KRTAP10-2: variants seen among roughly 807,000 people sequenced by gnomAD.
KRTAP10-2 encodes the protein keratin-associated protein 10-2.
For synonymous variants in KRTAP10-2, 134 were observed against 135.5 expected (o/e 0.99, Z 0.08); for missense variants, 295 against 319.5 (o/e 0.92, Z 0.58).
Position 44,550,673 on chromosome 21 carries a change from C to T in KRTAP10-2, c.*18G>A, listed in dbSNP as rs368168570. ...GGAGGTGGGGCCTGAGCCCGGCTGGCCCTGGGGGACATGGCCATCAGCAGC... is the reference window on the plus strand; with the variant it reads ...GGAGGTGGGGCCTGAGCCCGGCTGGTCCTGGGGGACATGGCCATCAGCAGC... On this transcript the variant is annotated 3_prime_UTR_variant, in exon 1 of 1. Transcript: ENST00000391621. 366 of 1,612,038 alleles carry T rather than the reference C, an allele frequency of 2.3e-4. No individual in the cohort carries two copies. The highest frequency in any genetic ancestry group is 3.1e-4 in the Non-Finnish European group (361 of 1,179,284).
rs180855850 is a variant in KRTAP10-2 at position 44,551,426 on chromosome 21, G to A, written c.33C>T (p.Ser11=). 6.1e-4 allele frequency: 981 copies of A among 1,613,040 alleles called. 5 individuals carry two copies. The African/African-American group carries it at 0.011, about 19-fold the overall frequency. The change falls in exon 1 of 1, where the codon AGC becomes AGT. Residue 11 remains serine, a synonymous_variant. Transcript: ENST00000391621. MAASTMSICS[S]ACTNSWQVDD... ...CCACCTGCCAGGAGTTGGTGCAGGCGCTGGAGCAGATGGACATGGTGGAGG... is the reference window on the plus strand; with the variant it reads ...CCACCTGCCAGGAGTTGGTGCAGGCACTGGAGCAGATGGACATGGTGGAGG...
rs1555918774 is a variant in KRTAP10-2 at position 44,551,174 on chromosome 21, G to A, written c.285C>T (p.Cys95=). ...AGACGGGCACGCAGCAGGCCTGCTGGCAGGGGGAGGAGGTGCAGCAAGCCG... is the reference window on the plus strand; with the variant it reads ...AGACGGGCACGCAGCAGGCCTGCTGACAGGGGGAGGAGGTGCAGCAAGCCG... The part of the protein sequence containing the change: ...CQPACCTSSP[C]QQACCVPVCC... The change falls in exon 1 of 1, where the codon TGC becomes TGT. Residue 95 remains cysteine, a synonymous_variant. Transcript: ENST00000391621. 1 of 1,568,580 alleles carries A rather than the reference G, an allele frequency of 6.4e-7. No individual in the cohort carries two copies. Among genetic ancestry groups the A allele is most frequent in the South Asian group, 1.1e-5 (1 of 88,290 alleles).
rs587678058 is a variant in KRTAP10-2, at chr21:44,551,122, C to T, written c.337G>A (p.Val113Ile). The T allele has an allele frequency of 1.4e-5, 22 of 1,559,240 alleles. No individual in the cohort carries two copies. The highest frequency in any genetic ancestry group is 1.7e-4 in the Middle Eastern group (1 of 5,868). ...VCCKPVCCVP[V>I]CCGASSCCQQ... Reference sequence around the variant, plus strand: ...CAGCATGAAGAAGCCCCACAGCAGACGGGCACACAGCACACAGGCTTGCAG... The same window carrying T: ...CAGCATGAAGAAGCCCCACAGCAGATGGGCACACAGCACACAGGCTTGCAG... The change falls in exon 1 of 1, where the codon GTC (valine) becomes ATC (isoleucine). Residue 113 changes from valine (V) to isoleucine (I), a missense_variant. Coordinates refer to ENST00000391621, the MANE Select transcript of KRTAP10-2 (RefSeq NM_198693.4).
chr21:44,551,030 A>T lies in KRTAP10-2; in HGVS notation c.429T>A (p.Pro143=), dbSNP rs782690145. 1 of 1,609,040 alleles carries T rather than the reference A, an allele frequency of 6.2e-7. No individual in the cohort carries two copies. The highest frequency in any genetic ancestry group is 8.5e-7 in the Non-Finnish European group (1 of 1,177,926). ...CGCAGCACACAGCTTTGCAGCAGAC[A>T]GGCACACGGCAGGACTGCTGGCAGG... is the stretch of plus-strand genomic sequence containing the variant. The part of the protein sequence containing the change: ...SSSCQQSCRV[P]VCCKAVCCVP... The change falls in exon 1 of 1, where the codon CCT becomes CCA. Residue 143 remains proline, a synonymous_variant. Transcript: ENST00000391621.
At position 44,551,442 on chromosome 21, in the gene KRTAP10-2, A is replaced by G; in HGVS notation, c.17T>C (p.Met6Thr). Residue 6 changes from methionine to threonine, a missense_variant, in exon 1 of 1, where the codon ATG becomes ACG. Transcript: ENST00000391621. ...GGTGCAGGCGCTGGAGCAGATGGAC[A>G]TGGTGGAGGCGGCCATGCTGGAGTG... MAAST[M>T]SICSSACTNS... 4 of 1,611,676 alleles carry G rather than the reference A, an allele frequency of 2.5e-6. No homozygotes were observed. Among genetic ancestry groups the G allele is most frequent in the Non-Finnish European group, 3.4e-6 (4 of 1,179,186 alleles).
Position 44,551,341 on chromosome 21 carries a change from C to A in KRTAP10-2, c.118G>T (p.Ala40Ser). 1.9e-6 allele frequency: 3 copies of A among 1,613,118 alleles called. No homozygotes were observed. The highest frequency in any genetic ancestry group is 2.5e-6 in the Non-Finnish European group (3 of 1,179,936). Residue 40 changes from alanine (A) to serine (S), a missense_variant, in exon 1 of 1, where the codon GCC (alanine) becomes TCC (serine). By Grantham distance (99) the Ala-to-Ser change is moderately conservative (BLOSUM62 1). Coordinates refer to ENST00000391621, the MANE Select transcript of KRTAP10-2 (RefSeq NM_198693.4). ...GTGCAGACCAGGGTCAGGCAGGGGG[C>A]TGGGGCACAGCAGCTGGGGGTGCCG... ...PCGTPSCCAPAPCLTLVCTPV... is the reference protein window; with the variant it reads ...PCGTPSCCAPSPCLTLVCTPV...
rs1445609844 is a variant in KRTAP10-2, at chr21:44,550,409, G to A, written c.*282C>T. The A allele has an allele frequency of 1.2e-5, 7 of 601,726 alleles. No individual in the cohort carries two copies. The highest frequency in any genetic ancestry group is 1.8e-5 in the Non-Finnish European group (6 of 332,192). 37.3% of individuals were successfully genotyped at this position (601,726 alleles called of 1,614,324 possible). A position where few individuals can be genotyped will look rare whatever the true frequency, so the allele number is the denominator to read the frequency against. ...CAGAGGCAGAGGGTGACGCTCCTGG[G>A]GGTGAGACCCAGGTCAGGAGGGCCC... On this transcript the variant is annotated 3_prime_UTR_variant, in exon 1 of 1. Transcript: ENST00000391621.
In KRTAP10-2 at chr21:44,550,863, A is replaced by C; in HGVS notation, c.596T>G (p.Val199Gly). ...AGAGGAAGCCCCAGAGCAAACAGGT[A>C]CACAGCAGATGGACTTGCAGCAGAC... ...KPVCCKSICC[V>G]PVCSGASSPC... The change falls in exon 1 of 1, where the codon GTA (valine) becomes GGA (glycine). Residue 199 changes from valine to glycine, a missense_variant. Coordinates refer to ENST00000391621, the MANE Select transcript of KRTAP10-2 (RefSeq NM_198693.4). The C allele has an allele frequency of 6.5e-7, 1 of 1,534,408 alleles. No homozygotes were observed. The highest frequency in any genetic ancestry group is 8.9e-7 in the Non-Finnish European group (1 of 1,129,802).
rs782129000 is a variant in KRTAP10-2 at position 44,550,876 on chromosome 21, A to G, written c.583T>C (p.Ser195Pro). The change falls in exon 1 of 1, where the codon TCC (serine) becomes CCC (proline). Residue 195 changes from serine (S) to proline (P), a missense_variant. Coordinates refer to ENST00000391621, the MANE Select transcript of KRTAP10-2 (RefSeq NM_198693.4). ...SVCCKPVCCK[S>P]ICCVPVCSGA... ...GAGCAAACAGGTACACAGCAGATGG[A>G]CTTGCAGCAGACAGGCTTGCAGCAG... The G allele has an allele frequency of 6.2e-7, 1 of 1,611,540 alleles. No individual in the cohort carries two copies.
rs781942959 is a variant in KRTAP10-2 at position 44,550,798 on chromosome 21, T to C, written c.661A>G (p.Thr221Ala). 10 of 1,596,268 alleles carry C rather than the reference T, an allele frequency of 6.3e-6. No homozygotes were observed. The African/African-American group carries it at 6.7e-5, about 11-fold the overall frequency. Reference sequence around the variant, plus strand: ...GAGGAGGGTCTGCAGCAGGAGGAGGTGCAGCAAGCTGGCTGGCAGCTAGAC... The same window carrying C: ...GAGGAGGGTCTGCAGCAGGAGGAGGCGCAGCAAGCTGGCTGGCAGCTAGAC... Reference protein sequence around the residue: ...QQSSCQPACCTSSCCRPSSSV... With the variant: ...QQSSCQPACCASSCCRPSSSV... Residue 221 changes from threonine (T) to alanine (A), a missense_variant, in exon 1 of 1, where the codon ACC becomes GCC. Physicochemically the swap from Thr to Ala is moderately conservative, Grantham distance 58. Coordinates refer to ENST00000391621, the MANE Select transcript of KRTAP10-2 (RefSeq NM_198693.4).
chr21:44,550,800 C>T lies in KRTAP10-2; in HGVS notation c.659G>A (p.Cys220Tyr), dbSNP rs782363574. The T allele has an allele frequency of 2.1e-5, 34 of 1,597,056 alleles. No individual in the cohort carries two copies. Among genetic ancestry groups the T allele is most frequent in the Non-Finnish European group, 2.7e-5 (32 of 1,169,280 alleles). ...CQQSSCQPAC[C>Y]TSSCCRPSSS... ...GGAGGGTCTGCAGCAGGAGGAGGTG[C>T]AGCAAGCTGGCTGGCAGCTAGACTG... Residue 220 changes from cysteine to tyrosine, a missense_variant, in exon 1 of 1, where the codon TGC (cysteine) becomes TAC (tyrosine). Transcript: ENST00000391621.
Position 44,551,505 on chromosome 21 carries a change from A to T in KRTAP10-2, c.-47T>A, listed in dbSNP as rs2053438434. On this transcript the variant is annotated 5_prime_UTR_variant, in exon 1 of 1. Transcript: ENST00000391621. ...GCTGGGGGAGGTGTGTGAGTGAGTG[A>T]GTGTGTGTGTGAGTGTGTGAGTGAG... is the stretch of plus-strand genomic sequence containing the variant. 2.6e-6 allele frequency: 4 copies of T among 1,549,282 alleles called. No individual in the cohort carries two copies. The highest frequency in any genetic ancestry group is 3.5e-6 in the Non-Finnish European group (4 of 1,148,078).
chr21:44,550,396 G>GTGAC lies in KRTAP10-2; in HGVS notation c.*291_*294dup, dbSNP rs1555918363. 6 of 586,170 alleles carry GTGAC rather than the reference G, an allele frequency of 1.0e-5. No homozygotes were observed. In the Admixed American group the frequency reaches 1.2e-4, roughly 12 times the overall value. 36.3% of individuals were successfully genotyped at this position (586,170 alleles called of 1,614,324 possible). A position where few individuals can be genotyped will look rare whatever the true frequency, so the allele number is the denominator to read the frequency against. ...CTTTATTGGTGCTCAGAGGCAGAGG[G>GTGAC]TGACGCTCCTGGGGGTGAGACCCAG... On this transcript the variant is annotated 3_prime_UTR_variant, in exon 1 of 1. Transcript: ENST00000391621.
chr21:44,550,595 C>A lies in KRTAP10-2; in HGVS notation c.*96G>T, dbSNP rs587754696. The A allele has an allele frequency of 7.9e-6, 12 of 1,527,862 alleles. No homozygotes were observed. In the African/African-American group the frequency reaches 1.5e-4, roughly 19 times the overall value. 94.6% of individuals were successfully genotyped at this position (1,527,862 alleles called of 1,614,324 possible). A position where few individuals can be genotyped will look rare whatever the true frequency, so the allele number is the denominator to read the frequency against. On this transcript the variant is annotated 3_prime_UTR_variant, in exon 1 of 1. Transcript: ENST00000391621. ...GCGGCTGTGGCTGGGGCTGCTCCTT[C>A]TGTGCTGAGCTGTGCTGAGGCTGGG...
At chr21:44,551,284 G>A (rs1226008845) in intron 1 of KRTAP10-2, 1 of 1,613,436 alleles carries the variant, frequency 6.2e-7, no homozygotes. Context: ...CAGGCCGCCT[G>A]GCAGCAGGGG....
In KRTAP10-2 at chr21:44,551,319, C is replaced by T; in HGVS notation, c.140G>A (p.Cys47Tyr). The T allele has an allele frequency of 6.2e-7, 1 of 1,613,308 alleles. No individual in the cohort carries two copies. The highest frequency in any genetic ancestry group is 8.5e-7 in the Non-Finnish European group (1 of 1,179,944). The change falls in exon 1 of 1, where the codon TGC becomes TAC. Residue 47 changes from cysteine (C) to tyrosine (Y), a missense_variant. By Grantham distance (194) the Cys-to-Tyr change is radical. Coordinates refer to ENST00000391621, the MANE Select transcript of KRTAP10-2 (RefSeq NM_198693.4). ...CAPAPCLTLVCTPVSCVSSPC... is the reference protein window; with the variant it reads ...CAPAPCLTLVYTPVSCVSSPC... ...GCTGGACACACAGCTCACTGGGGTGCAGACCAGGGTCAGGCAGGGGGCTGG... is the reference window on the plus strand; with the variant it reads ...GCTGGACACACAGCTCACTGGGGTGTAGACCAGGGTCAGGCAGGGGGCTGG...
In KRTAP10-2 at chr21:44,550,654, G is replaced by A. The variant is rs781785059; in HGVS notation, c.*37C>T. ...GAGGTCCAAGGACTGGCAGGGAGGT[G>A]GGGCCTGAGCCCGGCTGGCCCTGGG... On this transcript the variant is annotated 3_prime_UTR_variant, in exon 1 of 1. Coordinates refer to ENST00000391621, the MANE Select transcript of KRTAP10-2 (RefSeq NM_198693.4). 4.4e-6 allele frequency: 7 copies of A among 1,605,608 alleles called. No homozygotes were observed. The highest frequency in any genetic ancestry group is 6.0e-6 in the Non-Finnish European group (7 of 1,175,606).
At chr21:44,550,853 G>T (rs1555918578) in intron 1 of KRTAP10-2, 2 of 1,535,402 alleles carry the variant, frequency 1.3e-6, no homozygotes, top group East Asian at 5.0e-5. Context: ...AAGCCCCAGA[G>T]CAAACAGGTA....
In KRTAP10-2 at chr21:44,550,772, G is replaced by A. The variant is rs2146029881; in HGVS notation, c.687C>T (p.Ser229=). 1 of 1,614,226 alleles carries A rather than the reference G, an allele frequency of 6.2e-7. No homozygotes were observed. Among genetic ancestry groups the A allele is most frequent in the East Asian group, 2.2e-5 (1 of 44,880 alleles). The part of the protein sequence containing the change: ...CCTSSCCRPS[S]SVSLLCRPVC... ...CGGGGCGGCAGAGGAGGGACACAGA[G>A]GAGGAGGGTCTGCAGCAGGAGGAGG... is the stretch of plus-strand genomic sequence containing the variant. Residue 229 remains serine, a synonymous_variant, in exon 1 of 1, where the codon TCC becomes TCT. Transcript: ENST00000391621.
Sources: gnomAD v4.1 joint callset for allele counts on GRCh38, gnomAD v4.1.1 for gene constraint, MANE v1.5 for transcripts, NCBI Gene and HGNC (gene_info 2026-07-23, HGNC 2026-07-21) for gene names.